STPG2: variants seen among roughly 807,000 people sequenced by gnomAD.
STPG2 encodes the protein sperm-tail PG-rich repeat-containing protein 2.
In STPG2, 56 loss-of-function variants were observed where a neutral mutation model predicts 54.2. The ratio of observed to expected loss-of-function variants is 1.03; its 90% confidence interval spans 0.83 to 1.29. The LOEUF (loss-of-function observed/expected upper bound fraction) is 1.29. STPG2 is among the 50% of genes most tolerant of loss of function. The pLI is 0.00. For synonymous variants in STPG2, 200 were observed against 181.8 expected, an observed-to-expected ratio of 1.10 and a Z score of -0.81; for missense variants, 596 against 544.9, an observed-to-expected ratio of 1.09 and a Z score of -0.93.
chr4:97,600,333 C>T (rs1733426590), intron 10 of STPG2, among the ~76,000 whole-genome samples: 1 of 152,096 alleles, frequency 6.6e-6, no homozygotes, highest in Non-Finnish European at 1.5e-5. Context: ...CCAGAACATG[C>T]TAGGTGCTAG....
At chr4:97,890,239 A>G (rs1270112342) in intron 8 of STPG2, among the ~76,000 whole-genome samples, 2 of 152,066 alleles carry the variant, frequency 1.3e-5, no homozygotes, top group Non-Finnish European at 2.9e-5. Context: ...ACTAGGAGAG[A>G]GATTGATGGG....
At chr4:97,971,047 C>T (rs1162003488) in intron 7 of STPG2, among the ~76,000 whole-genome samples, 5 of 151,760 alleles carry the variant, frequency 3.3e-5, no homozygotes, top group Non-Finnish European at 7.4e-5. Flanking sequence ...CCAACAGACA[C>T]AAAAATTGCT....
chr4:97,646,696 T>G (rs1721922175), intron 10 of STPG2, among the ~76,000 whole-genome samples: 1 of 152,124 alleles, frequency 6.6e-6, no homozygotes, highest in Non-Finnish European at 1.5e-5. Flanking sequence ...ATTCTGTAAA[T>G]TAACAGAAAA....
At chr4:97,570,039 C>A (rs373726133) in intron 10 of STPG2, among the ~76,000 whole-genome samples, 17 of 151,936 alleles carry the variant, frequency 1.1e-4, no homozygotes, top group African/African-American at 3.9e-4. Flanking sequence ...CCAGAAAAAC[C>A]CAAATTGAGA....
intron 5 of STPG2, among the ~76,000 whole-genome samples, chr4:98,014,228 C>T (rs540784686): frequency 3.3e-4 from 50 of 152,244 alleles, no homozygotes; most frequent in Middle Eastern, 3.4e-3. Context: ...TCATTATTTA[C>T]CCATGAGTCA....
At chr4:97,905,479 C>T (rs1731370836) in intron 8 of STPG2, among the ~76,000 whole-genome samples, 1 of 151,980 alleles carries the variant, frequency 6.6e-6, no homozygotes, top group African/African-American at 2.4e-5. Context: ...AAAGGAACAA[C>T]CGGTACCAGC....
At chr4:98,035,325 G>A (rs1235111379) in intron 5 of STPG2, among the ~76,000 whole-genome samples, 1 of 152,182 alleles carries the variant, frequency 6.6e-6, no homozygotes, top group African/African-American at 2.4e-5. Flanking sequence ...AGACATTTAT[G>A]CGGCCAACAA....
At chr4:97,497,746 T>C (rs1730641088) in intron 4 of STPG2, among the ~76,000 whole-genome samples, 3 of 151,894 alleles carry the variant, frequency 2.0e-5, no homozygotes, top group South Asian at 2.1e-4. Context: ...AGAGAATCTA[T>C]TGGAGAAATG....
intron 5 of STPG2, among the ~76,000 whole-genome samples, chr4:98,070,183 T>C (rs759758157): frequency 2.2e-4 from 33 of 152,016 alleles, no homozygotes; most frequent in Non-Finnish European, 4.6e-4. Context: ...TCAAGTTGGC[T>C]TCATCCTCAA....
At chr4:97,505,221 GA>G (rs1277365526) in intron 4 of STPG2, among the ~76,000 whole-genome samples, 1 of 151,830 alleles carries the variant, frequency 6.6e-6, no homozygotes, top group African/African-American at 2.4e-5. Context: ...TCATAGTTTG[GA>G]AAATCCTTGT....
At position 98,016,659 on chromosome 4, in the gene STPG2, T is replaced by C. The variant is rs541941092; in HGVS notation, c.613-35341A>G. Among the ~76,000 whole-genome samples the C allele has an allele frequency of 2.0e-5, 3 of 152,312 alleles. No homozygotes were observed. The South Asian group carries it at 6.2e-4, about 32-fold the overall frequency. ...TTGAACTTCTCATTTTCTTCATGTA[T>C]TGTTTTCCTGATTTTGTTTACTTGC... On this transcript the variant is annotated intron_variant, in intron 5 of 10. Coordinates refer to ENST00000295268, the MANE Select transcript of STPG2 (RefSeq NM_174952.3).
At chr4:97,865,947 A>T (rs980164511) in intron 8 of STPG2, among the ~76,000 whole-genome samples, 1 of 151,986 alleles carries the variant, frequency 6.6e-6, no homozygotes, top group Non-Finnish European at 1.5e-5. Context: ...TTGAAACAAC[A>T]TGGATGGAAC....
chr4:97,640,139 T>C (rs957089010), intron 10 of STPG2, among the ~76,000 whole-genome samples: 2 of 152,094 alleles, frequency 1.3e-5, no homozygotes, highest in African/African-American at 4.8e-5. Context: ...CATGTTTATA[T>C]AGAATGTGCC....
chr4:97,482,845 T>C (rs1730258598), intron 4 of STPG2, among the ~76,000 whole-genome samples: 1 of 151,528 alleles, frequency 6.6e-6, no homozygotes, highest in African/African-American at 2.4e-5. Context: ...ACCTATCAGA[T>C]TAACAGCAGA....
At chr4:97,863,857 T>C (rs1026180647) in intron 8 of STPG2, among the ~76,000 whole-genome samples, 1 of 152,186 alleles carries the variant, frequency 6.6e-6, no homozygotes, top group Non-Finnish European at 1.5e-5. Context: ...AAACACATGA[T>C]TATCTCAATA....
chr4:97,901,503 T>G (rs531071200), intron 8 of STPG2, among the ~76,000 whole-genome samples: 4 of 151,970 alleles, frequency 2.6e-5, no homozygotes, highest in Non-Finnish European at 5.9e-5. Flanking sequence ...GAATACAAAA[T>G]TAACATACAA....
intron 9 of STPG2, among the ~76,000 whole-genome samples, chr4:97,771,023 T>A (rs895289222): frequency 6.6e-6 from 1 of 152,198 alleles, no homozygotes; most frequent in Admixed American, 6.5e-5. Flanking sequence ...ACATTTGGAA[T>A]GGAAAGCTAA....
At chr4:97,654,511 A>G (rs1722165206) in intron 10 of STPG2, among the ~76,000 whole-genome samples, 2 of 152,066 alleles carry the variant, frequency 1.3e-5, no homozygotes, top group Non-Finnish European at 1.5e-5. Context: ...TTGCAACTCT[A>G]CCCTTTGACA....
At chr4:98,003,055 C>T (rs1187833143) in intron 5 of STPG2, among the ~76,000 whole-genome samples, 1 of 152,024 alleles carries the variant, frequency 6.6e-6, no homozygotes, top group Non-Finnish European at 1.5e-5. Flanking sequence ...CTCTTGCTAG[C>T]TTCTACTTAA....
Sources: gnomAD v4.1 joint callset for allele counts (sites outside exome capture counted in the v4.1 genomes callset) on GRCh38, gnomAD v4.1.1 for gene constraint, MANE v1.5 for transcripts, NCBI Gene and HGNC (gene_info 2026-07-23, HGNC 2026-07-21) for gene names.